Variants in CCDC178 observed in about 807,000 individuals in gnomAD.
The protein encoded by CCDC178 is coiled-coil domain containing 178.
A neutral mutation model predicts 117.4 loss-of-function variants in CCDC178; 126 were observed. That is an observed-to-expected ratio of 1.07 (90% confidence interval 0.93 to 1.24). The LOEUF is 1.24. CCDC178 is among the 50% of genes most tolerant of loss of function. The probability of loss-of-function intolerance (pLI) is 0.00; values close to 1 mark genes in which losing one functional copy is unlikely to be tolerated. For missense variants in CCDC178, 1,030 were observed against 986.9 expected, an observed-to-expected ratio of 1.04 and a Z score of -0.59; for synonymous variants, 283 against 313.4, an observed-to-expected ratio of 0.90 and a Z score of 1.02.
intron 3 of CCDC178, among the ~76,000 whole-genome samples, chr18:33,409,540 A>G (rs1395422813): frequency 6.6e-6 from 1 of 152,186 alleles, no homozygotes; most frequent in African/African-American, 2.4e-5. Context: ...ATGACCTCCC[A>G]TGGTGTTCTT....
At chr18:33,355,766 A>T (rs1451432684) in intron 7 of CCDC178, among the ~76,000 whole-genome samples, 3 of 152,198 alleles carry the variant, frequency 2.0e-5, no homozygotes, top group Non-Finnish European at 2.9e-5. Context: ...GCCTGTAAGT[A>T]GCCCCAGCCT....
intron 21 of CCDC178, among the ~76,000 whole-genome samples, chr18:32,984,353 T>G (rs933485169): frequency 2.1e-4 from 32 of 152,086 alleles, no homozygotes; most frequent in African/African-American, 7.5e-4. Flanking sequence ...TCCTTTTATA[T>G]GAATATGCAA....
intron 12 of CCDC178, among the ~76,000 whole-genome samples, chr18:33,278,846 G>A (rs552828372): frequency 1.3e-5 from 2 of 152,130 alleles, no homozygotes; most frequent in Admixed American, 6.5e-5. Context: ...CAGAACCAAA[G>A]ACAAAAACCA....
chr18:33,138,576 T>C (rs1236871765), intron 20 of CCDC178, among the ~76,000 whole-genome samples: 1 of 152,240 alleles, frequency 6.6e-6, no homozygotes, highest in African/African-American at 2.4e-5. Flanking sequence ...GCATAGGTAG[T>C]AACTGCTTAA....
intron 22 of CCDC178, among the ~76,000 whole-genome samples, chr18:32,956,001 G>A (rs1444948727): frequency 4.6e-5 from 7 of 152,032 alleles, no homozygotes. Context: ...TATTTAAAAG[G>A]TCTTTAGAAA....
chr18:33,148,315 T>G (rs2058297381), intron 20 of CCDC178, among the ~76,000 whole-genome samples: 1 of 152,088 alleles, frequency 6.6e-6, no homozygotes, highest in Non-Finnish European at 1.5e-5. Context: ...TCCCAGGCAC[T>G]CGGCAGCCTG....
At position 33,253,457 on chromosome 18, in the gene CCDC178, A is replaced by T. The variant is rs112828568; in HGVS notation, c.1410-8029T>A. Among the ~76,000 whole-genome samples the T allele has an allele frequency of 6.3e-4, 96 of 151,996 alleles. 1 individual carries two copies. Among genetic ancestry groups the T allele is most frequent in the Middle Eastern group, 3.4e-3 (1 of 294 alleles). On this transcript the variant is annotated intron_variant, in intron 14 of 22. Coordinates refer to ENST00000383096, the MANE Select transcript of CCDC178 (RefSeq NM_001105528.4). ...GGATATTCACTAGACTTATGAAATC[A>T]GTGATTTGCTTTTTAACCATTAAAT...
intron 3 of CCDC178, among the ~76,000 whole-genome samples, chr18:33,407,676 A>AT (rs2144883265): frequency 6.6e-6 from 1 of 152,150 alleles, no homozygotes; most frequent in East Asian, 1.9e-4. Flanking sequence ...TATTGTAAAC[A>AT]TTTAATATTT....
At chr18:33,123,484 T>G (rs916291884) in intron 20 of CCDC178, among the ~76,000 whole-genome samples, 1 of 152,100 alleles carries the variant, frequency 6.6e-6, no homozygotes, top group Non-Finnish European at 1.5e-5. Flanking sequence ...CACCATGCTC[T>G]AACCACATCA....
intron 3 of CCDC178, among the ~76,000 whole-genome samples, chr18:33,407,908 C>A (rs2063802623): frequency 6.6e-6 from 1 of 151,556 alleles, no homozygotes; most frequent in South Asian, 2.1e-4. Flanking sequence ...CTCTATAATT[C>A]AATCTAGAAG....
chr18:33,385,971 A>T (rs2063486850), intron 5 of CCDC178, among the ~76,000 whole-genome samples: 1 of 152,182 alleles, frequency 6.6e-6, no homozygotes, highest in African/African-American at 2.4e-5. Flanking sequence ...ACTAATTTTT[A>T]AAAAAGAGAA....
At chr18:33,427,819 A>T (rs959114374) in intron 2 of CCDC178, among the ~76,000 whole-genome samples, 1 of 152,198 alleles carries the variant, frequency 6.6e-6, no homozygotes, top group Non-Finnish European at 1.5e-5. Flanking sequence ...AAAGAGTGAC[A>T]GGCAATTCAA....
intron 2 of CCDC178, among the ~76,000 whole-genome samples, chr18:33,433,813 G>GT (rs1435286034): frequency 8.2e-5 from 10 of 122,608 alleles, no homozygotes; most frequent in Non-Finnish European, 1.3e-4. Context: ...TGTGTGTGTG[G>GT]AAAGATATTT....
intron 3 of CCDC178, among the ~76,000 whole-genome samples, chr18:33,406,635 AAGGATG>A (rs907354017): frequency 6.6e-5 from 10 of 152,146 alleles, no homozygotes; most frequent in Non-Finnish European, 1.2e-4. Context: ...CATAATCCAT[AAGGATG>A]ATCTTATAGA....
chr18:32,937,752 A>T lies in CCDC178; in HGVS notation c.*259T>A, dbSNP rs2054151071. On this transcript the variant is annotated 3_prime_UTR_variant, in exon 23 of 23. Transcript: ENST00000383096. ...TTAATGGTGACATAGATTAATTATC[A>T]GATGAGGCAAAGCCAATTGCAATCA... is the stretch of plus-strand genomic sequence containing the variant. 1.2e-5 allele frequency: 5 copies of T among 414,694 alleles called. No homozygotes were observed. In the South Asian group the frequency reaches 2.0e-4, roughly 16 times the overall value. 25.7% of individuals were successfully genotyped at this position (414,694 alleles called of 1,614,324 possible). A position where few individuals can be genotyped will look rare whatever the true frequency, so the allele number is the denominator to read the frequency against.
chr18:33,024,631 TTTATTA>T (rs763429015), intron 21 of CCDC178, among the ~76,000 whole-genome samples: 2 of 151,698 alleles, frequency 1.3e-5, no homozygotes, highest in African/African-American at 4.8e-5. Context: ...GGAACACTTA[TTTATTA>T]TTATTATTAT....
chr18:33,352,965 T>C (rs972231398), intron 7 of CCDC178, among the ~76,000 whole-genome samples: 25 of 152,122 alleles, frequency 1.6e-4, no homozygotes, highest in Admixed American at 1.4e-3. Flanking sequence ...TATTTATTGA[T>C]CTTCTGCTTA....
chr18:32,962,860 A>C (rs1253093529), intron 22 of CCDC178, among the ~76,000 whole-genome samples: 1 of 152,054 alleles, frequency 6.6e-6, no homozygotes, highest in Non-Finnish European at 1.5e-5. Context: ...TTACATTAAT[A>C]CTATACAAAA....
chr18:33,087,618 G>A (rs1189786329), intron 21 of CCDC178, among the ~76,000 whole-genome samples: 1 of 150,976 alleles, frequency 6.6e-6, no homozygotes, highest in Non-Finnish European at 1.5e-5. Context: ...ATGTCCACAT[G>A]CCTGTGTTCT....
Sources: gnomAD v4.1 joint callset for allele counts (sites outside exome capture counted in the v4.1 genomes callset) on GRCh38, gnomAD v4.1.1 for gene constraint, MANE v1.5 for transcripts, NCBI Gene and HGNC (gene_info 2026-07-23, HGNC 2026-07-21) for gene names.